PHF14: variants seen among roughly 807,000 people sequenced by gnomAD.
PHF14 encodes PHD finger protein 14.
PHF14 carries 55 observed loss-of-function variants against 117.9 expected under a neutral mutation model. The ratio of observed to expected loss-of-function variants is 0.47; its 90% CI spans 0.38 to 0.58. The LOEUF is 0.58. Among genes scored for constraint, PHF14 ranks in the 20% least tolerant of loss-of-function variants. The pLI is 0.00. For missense variants in PHF14, 978 were observed against 1,122.2 expected, an observed-to-expected ratio of 0.87 and a Z score of 1.84; for synonymous variants, 409 against 368.6, an observed-to-expected ratio of 1.11 and a Z score of -1.26.
chr7:11,049,682 C>G (rs1012390495), intron 13 of PHF14, among the ~76,000 whole-genome samples: 11 of 152,086 alleles, frequency 7.2e-5, no homozygotes, highest in Non-Finnish European at 1.3e-4. Flanking sequence ...CTAACAATAT[C>G]TAACATTTCT....
At chr7:10,989,303 A>G (rs1423859766) in intron 3 of PHF14, among the ~76,000 whole-genome samples, 1 of 152,148 alleles carries the variant, frequency 6.6e-6, no homozygotes, top group Admixed American at 6.6e-5. Context: ...ATGGCTCCAA[A>G]TGTTACTTTT....
chr7:11,094,192 A>G (rs1786755060), intron 16 of PHF14, among the ~76,000 whole-genome samples: 1 of 152,146 alleles, frequency 6.6e-6, no homozygotes, highest in African/African-American at 2.4e-5. Flanking sequence ...GGTGTCTGTT[A>G]GTTTTCTCTG....
chr7:11,004,294 A>G (rs2128313736), intron 4 of PHF14, among the ~76,000 whole-genome samples: 1 of 149,452 alleles, frequency 6.7e-6, no homozygotes, highest in East Asian at 1.9e-4. Flanking sequence ...AACATCTCTC[A>G]TAATCATACC....
chr7:11,109,854 A>T (rs934848169), intron 16 of PHF14: 1 of 151,944 alleles, frequency 6.6e-6, no homozygotes, highest in Non-Finnish European at 1.5e-5. Context: ...TAGAACTGTC[A>T]TAGTAAGCAT....
chr7:11,132,992 A>T (rs1193186599), intron 17 of PHF14, among the ~76,000 whole-genome samples: 1 of 151,916 alleles, frequency 6.6e-6, no homozygotes, highest in Non-Finnish European at 1.5e-5. Context: ...TTAGGTATGA[A>T]TCTAACAAAA....
chr7:11,166,591 G>A (rs889852725), intron 17 of PHF14, among the ~76,000 whole-genome samples: 2 of 152,074 alleles, frequency 1.3e-5, no homozygotes, highest in African/African-American at 4.8e-5. Flanking sequence ...AGCTTTATTA[G>A]ATCAAATTTT....
intron 14 of PHF14, among the ~76,000 whole-genome samples, chr7:11,060,991 C>G (rs1320141557): frequency 6.6e-6 from 1 of 151,918 alleles, no homozygotes; most frequent in Non-Finnish European, 1.5e-5. Flanking sequence ...TATTTGGTAC[C>G]TACTCTAGCT....
chr7:11,011,559 G>C (rs1445325182), intron 4 of PHF14, among the ~76,000 whole-genome samples: 1 of 152,152 alleles, frequency 6.6e-6, no homozygotes, highest in Non-Finnish European at 1.5e-5. Flanking sequence ...TGGTCAAAAG[G>C]ATGTTGGGAT....
rs760262059 is a variant in PHF14 at position 10,983,144 on chromosome 7, A to G, written c.885A>G (p.Gln295=). 2.5e-6 allele frequency: 4 copies of G among 1,595,462 alleles called. No homozygotes were observed. Among genetic ancestry groups the G allele is most frequent in the Admixed American group, 3.4e-5 (2 of 59,608 alleles). ...CCAATGATAGCCTGACCCTATCTCA[A>G]AGCAAGAGTAATGAGGTAGATCAAC... ...ELTNDSLTLS[Q]SKSNEDSLIL... Residue 295 remains glutamine (Q), a synonymous_variant, in exon 3 of 18, where the codon CAA becomes CAG. Coordinates refer to ENST00000634607, the MANE Select transcript of PHF14 (RefSeq NM_001007157.2).
intron 4 of PHF14, among the ~76,000 whole-genome samples, chr7:10,991,159 G>T (rs766599226): frequency 6.6e-6 from 1 of 151,528 alleles, no homozygotes; most frequent in African/African-American, 2.4e-5. Flanking sequence ...CCTAATTTTT[G>T]TGTTCTTTTT....
At chr7:11,019,182 G>A (rs1429247031) in intron 5 of PHF14, among the ~76,000 whole-genome samples, 1 of 152,126 alleles carries the variant, frequency 6.6e-6, no homozygotes, top group Non-Finnish European at 1.5e-5. Context: ...CAGAGATACT[G>A]GCCTGTAGTT....
chr7:11,105,647 A>G (rs1787233813), intron 16 of PHF14: 1 of 984,524 alleles, frequency 1.0e-6, no homozygotes, highest in Non-Finnish European at 1.2e-6. Flanking sequence ...TTGTAAGTTT[A>G]CATAAAATTA....
chr7:11,013,763 TG>T lies in PHF14; in HGVS notation c.1064del (p.Gly355GlufsTer7). ...TTTTTTTAGGTTGTTATGGAGTTGA[TG>T]GAGAGAGTGACTCTATTATGAGTTC... Reference protein sequence around the residue: ...TVHEGCYGVDGESDSIMSSAS... With the variant: ...TVHEGCYGVDXESDSIMSSAS... On this transcript the variant is annotated frameshift_variant, in exon 5 of 18. Coordinates refer to ENST00000634607, the MANE Select transcript of PHF14 (RefSeq NM_001007157.2). LOFTEE classifies it high-confidence loss of function. 6.3e-7 allele frequency: 1 copy of T among 1,577,496 alleles called. No homozygotes were observed. The highest frequency in any genetic ancestry group is 8.7e-7 in the Non-Finnish European group (1 of 1,154,906).
At chr7:11,012,163 T>C (rs117079853) in intron 4 of PHF14, among the ~76,000 whole-genome samples, 2,974 of 152,314 alleles carry the variant, frequency 0.02, 39 homozygotes, top group Middle Eastern at 0.044. Context: ...TACCAAGATA[T>C]TGTCAATGAA....
intron 17 of PHF14, among the ~76,000 whole-genome samples, chr7:11,156,931 TACTC>T (rs1380299687): frequency 6.6e-6 from 1 of 152,216 alleles, no homozygotes; most frequent in Non-Finnish European, 1.5e-5. Flanking sequence ...AGATTCACAA[TACTC>T]ACCTTTGGGC....
Position 11,013,729 on chromosome 7 carries a change from T to C in PHF14, c.1046-18T>C, listed in dbSNP as rs775259632. 4.2e-6 allele frequency: 6 copies of C among 1,411,890 alleles called. No individual in the cohort carries two copies. In the Admixed American group the frequency reaches 1.2e-4, roughly 29 times the overall value. 87.5% of individuals were successfully genotyped at this position (1,411,890 alleles called of 1,614,324 possible). ...CAAAATAAACCCTATTTAATCATAG[T>C]GTTTTTGTTTTTTTTAGGTTGTTAT... On this transcript the variant is annotated intron_variant, in intron 4 of 17. Transcript: ENST00000634607.
chr7:11,103,245 A>G (rs1787149865), intron 16 of PHF14: 3 of 904,630 alleles, frequency 3.3e-6, no homozygotes, highest in African/African-American at 1.8e-5. Context: ...GAATAAAGAT[A>G]TATCTGTGTT....
chr7:11,035,024 G>GTGACTT (rs1784265854), intron 7 of PHF14, among the ~76,000 whole-genome samples: 1 of 151,506 alleles, frequency 6.6e-6, no homozygotes, highest in Admixed American at 6.6e-5. Flanking sequence ...GTTTTAAACA[G>GTGACTT]TGACTTTTTA....
intron 16 of PHF14, among the ~76,000 whole-genome samples, chr7:11,066,003 A>G (rs1011677858): frequency 3.3e-5 from 5 of 152,208 alleles, no homozygotes; most frequent in Admixed American, 6.5e-5. Flanking sequence ...ATTCTACACT[A>G]TCAAATGCTT....
Sources: allele counts gnomAD v4.1 joint callset (sites outside exome capture counted in the v4.1 genomes callset), GRCh38; gene constraint gnomAD v4.1.1; transcripts MANE v1.5; gene names NCBI Gene and HGNC (gene_info 2026-07-23, HGNC 2026-07-21).